AKAP7: variants seen among roughly 807,000 people sequenced by gnomAD.
AKAP7 encodes A-kinase anchoring protein 7, also known as A kinase (PRKA) anchor protein 7.
AKAP7 carries 39 observed loss-of-function variants against 39.5 expected under a neutral mutation model. The observed-to-expected ratio is 0.99, with a 90% CI of 0.76 to 1.29. The LOEUF (loss-of-function observed/expected upper bound fraction) is 1.29. Ranked by LOEUF, AKAP7 falls within the 50% of genes most tolerant of loss-of-function variation. The pLI is 0.00. For synonymous variants in AKAP7, 140 were observed against 139.1 expected (o/e 1.01, Z -0.05); for missense variants, 414 against 407.7 (o/e 1.02, Z -0.13).
At chr6:131,267,202 T>G (rs1813873411) in intron 7 of AKAP7, among the ~76,000 whole-genome samples, 1 of 152,234 alleles carries the variant, frequency 6.6e-6, no homozygotes, top group Admixed American at 6.5e-5. Context: ...TGTGATGCTC[T>G]TGGTCACTTT....
chr6:131,203,457 T>TA (rs562709509), intron 6 of AKAP7, among the ~76,000 whole-genome samples: 107 of 152,296 alleles, frequency 7.0e-4, no homozygotes, highest in Non-Finnish European at 7.9e-4. Flanking sequence ...AGTTTTTTTT[T>TA]AATCCACTTG....
intron 1 of AKAP7, among the ~76,000 whole-genome samples, chr6:131,142,333 G>A (rs1801113735): frequency 6.6e-6 from 1 of 152,224 alleles, no homozygotes; most frequent in African/African-American, 2.4e-5. Context: ...AAGCCCAGGG[G>A]CATGCTGCCA....
chr6:131,211,601 TA>T (rs556028216), intron 6 of AKAP7, among the ~76,000 whole-genome samples: 1,404 of 139,790 alleles, frequency 0.01, 4 homozygotes, highest in South Asian at 0.015. Flanking sequence ...CCATCTCTAC[TA>T]AAAAAAAAAA....
chr6:131,207,517 T>TTTTTTTTTTTTTA (rs1367120493), intron 6 of AKAP7, among the ~76,000 whole-genome samples: 42 of 141,650 alleles, frequency 3.0e-4, no homozygotes, highest in African/African-American at 1.1e-3. Flanking sequence ...TTTTTTTTTT[T>TTTTTTTTTTTTTA]AGATATGGGG....
intron 7 of AKAP7, among the ~76,000 whole-genome samples, chr6:131,279,934 G>A (rs899039894): frequency 2.0e-5 from 3 of 152,168 alleles, no homozygotes; most frequent in Non-Finnish European, 4.4e-5. Context: ...TGGAGATGTT[G>A]TCTGTAGAGT....
At chr6:131,155,372 G>A (rs957231210) in intron 2 of AKAP7, among the ~76,000 whole-genome samples, 2 of 152,140 alleles carry the variant, frequency 1.3e-5, no homozygotes, top group Admixed American at 6.5e-5. Flanking sequence ...ATGTTTGCTT[G>A]TCTTGCCTTT....
intron 7 of AKAP7, among the ~76,000 whole-genome samples, chr6:131,257,707 G>A (rs192047318): frequency 5.9e-5 from 9 of 152,230 alleles, no homozygotes; most frequent in African/African-American, 1.9e-4. Context: ...ACTTGGTACT[G>A]TAGAGCAAGT....
At chr6:131,229,656 C>T (rs903558081) in intron 7 of AKAP7, among the ~76,000 whole-genome samples, 5 of 152,102 alleles carry the variant, frequency 3.3e-5, no homozygotes, top group South Asian at 2.1e-4. Context: ...CCATGCCTGG[C>T]CTCCCAGTTT....
chr6:131,129,155 C>T, the AKAP7 span, among the ~76,000 whole-genome samples: 4 of 151,852 alleles, frequency 2.6e-5, no homozygotes, highest in African/African-American at 7.3e-5. Context: ...GGTGTGGTGT[C>T]AGGTGACTGT....
At chr6:131,278,499 T>C (rs1173141476) in intron 7 of AKAP7, among the ~76,000 whole-genome samples, 1 of 152,144 alleles carries the variant, frequency 6.6e-6, no homozygotes, top group Non-Finnish European at 1.5e-5. Context: ...TGTAAAGAAA[T>C]ACCTGAAACT....
At chr6:131,144,518 G>T (rs1257515969) in intron 1 of AKAP7, among the ~76,000 whole-genome samples, 1 of 152,186 alleles carries the variant, frequency 6.6e-6, no homozygotes, top group Non-Finnish European at 1.5e-5. Flanking sequence ...CAGCATTTGT[G>T]TCTGTCAATA....
intron 2 of AKAP7, among the ~76,000 whole-genome samples, chr6:131,145,962 CGT>C (rs1801452351): frequency 6.6e-6 from 1 of 152,008 alleles, no homozygotes; most frequent in African/African-American, 2.4e-5. Context: ...ATAATATTGA[CGT>C]GTGTCACAAA....
intron 7 of AKAP7, among the ~76,000 whole-genome samples, chr6:131,242,907 A>G (rs1310636989): frequency 6.6e-6 from 1 of 152,212 alleles, no homozygotes; most frequent in Non-Finnish European, 1.5e-5. Context: ...CAAAGGAGAA[A>G]CCAACATCCT....
At chr6:131,198,041 G>C (rs1807129390) in intron 5 of AKAP7, among the ~76,000 whole-genome samples, 1 of 152,144 alleles carries the variant, frequency 6.6e-6, no homozygotes, top group Non-Finnish European at 1.5e-5. Flanking sequence ...GAGATAATGG[G>C]AGTGCTAGAA....
chr6:131,239,796 T>C (rs1456256334), intron 7 of AKAP7, among the ~76,000 whole-genome samples: 3 of 152,244 alleles, frequency 2.0e-5, no homozygotes, highest in Non-Finnish European at 4.4e-5. Flanking sequence ...GTTATTCTAG[T>C]TAGCCATTCG....
At chr6:131,191,054 G>A (rs1237888060) in intron 5 of AKAP7, among the ~76,000 whole-genome samples, 1 of 152,166 alleles carries the variant, frequency 6.6e-6, no homozygotes, top group African/African-American at 2.4e-5. Flanking sequence ...TGTTTTCTGG[G>A]TTGATACAAA....
At chr6:131,240,573 C>T (rs1229691039) in intron 7 of AKAP7, among the ~76,000 whole-genome samples, 3 of 152,234 alleles carry the variant, frequency 2.0e-5, no homozygotes, top group Non-Finnish European at 1.5e-5. Context: ...AGCTTCCTGG[C>T]CGCTTTGTTT....
At chr6:131,183,965 C>T (rs551794244) in intron 5 of AKAP7, among the ~76,000 whole-genome samples, 3 of 152,146 alleles carry the variant, frequency 2.0e-5, no homozygotes, top group African/African-American at 7.2e-5. Context: ...GGAGGCAGAA[C>T]AGAGAGAGAA....
At chr6:131,219,418 A>C (rs1809505529) in intron 6 of AKAP7, among the ~76,000 whole-genome samples, 1 of 152,198 alleles carries the variant, frequency 6.6e-6, no homozygotes, top group Non-Finnish European at 1.5e-5. Flanking sequence ...TGAAGTTCTG[A>C]AAACTGCCAA....
Sources: gnomAD v4.1 joint callset for allele counts (sites outside exome capture counted in the v4.1 genomes callset) on GRCh38, gnomAD v4.1.1 for gene constraint, MANE v1.5 for transcripts, NCBI Gene and HGNC (gene_info 2026-07-23, HGNC 2026-07-21) for gene names.